The following RGPD1 variants were observed in gnomAD, a reference collection of about 807,000 sequenced individuals.
RGPD1 encodes the protein RANBP2-like and GRIP domain-containing protein 1.
RGPD1 carries 7 observed loss-of-function variants against 40.6 expected under a neutral mutation model. The observed-to-expected ratio is 0.17, with a 90% CI of 0.10 to 0.32. RGPD1 has a LOEUF of 0.32. RGPD1 is among the 10% of genes least tolerant of loss of function. The pLI is 1.00. For missense variants in RGPD1, 50 were observed against 472.5 expected, an observed-to-expected ratio of 0.11 and a Z score of 8.29; for synonymous variants, 24 against 167.0, an observed-to-expected ratio of 0.14 and a Z score of 6.60.
At chr2:86,944,872 G>A (rs142148666) in intron 1 of RGPD1, among the ~76,000 whole-genome samples, 175 of 151,744 alleles carry the variant, frequency 1.2e-3, no homozygotes, top group African/African-American at 4.0e-3. Context: ...ACAGGCATGC[G>A]CCACCATGCC....
upstream of RGPD1, among the ~76,000 whole-genome samples, chr2:86,941,253 A>C (rs1015773134): frequency 2.0e-4 from 30 of 150,018 alleles, no homozygotes; most frequent in Non-Finnish European, 3.9e-4. Flanking sequence ...TTAATATCCA[A>C]ATTCCCAAAA....
chr2:86,955,882 GT>G (rs1237454318), intron 4 of RGPD1, among the ~76,000 whole-genome samples: 1 of 148,140 alleles, frequency 6.8e-6, no homozygotes, highest in East Asian at 2.0e-4. Context: ...AGTTAATCTG[GT>G]GTCAGTAGTG....
At chr2:86,939,571 T>TC (rs1271364668), upstream of RGPD1, among the ~76,000 whole-genome samples, 12 of 123,348 alleles carry the variant, frequency 9.7e-5, no homozygotes, top group East Asian at 4.4e-4. Flanking sequence ...AGAGTGAAAC[T>TC]CCGTCTCAAA....
intron 1 of RGPD1, among the ~76,000 whole-genome samples, chr2:86,925,118 T>C (rs1006501076): frequency 6.6e-5 from 10 of 152,336 alleles, no homozygotes; most frequent in Non-Finnish European, 1.5e-4. Flanking sequence ...ACTTGTAAAT[T>C]AGATTTTAAA....
chr2:86,944,176 G>C (rs1426656421), intron 1 of RGPD1, among the ~76,000 whole-genome samples: 1 of 152,122 alleles, frequency 6.6e-6, no homozygotes, highest in Non-Finnish European at 1.5e-5. Flanking sequence ...ACTTGTTCAG[G>C]GTGAAATAGG....
chr2:86,978,095 C>G (rs948396315), intron 17 of RGPD1, among the ~76,000 whole-genome samples, 164 bp downstream of exon 17: 1 of 119,012 alleles, frequency 8.4e-6, no homozygotes, highest in Non-Finnish European at 1.7e-5. Context: ...AAGGCAGGGT[C>G]TTGTTGTGCA....
At chr2:87,009,072 G>T (rs573683474) in intron 22 of RGPD1, among the ~76,000 whole-genome samples, 6 of 146,852 alleles carry the variant, frequency 4.1e-5, no homozygotes, top group African/African-American at 1.5e-4. Flanking sequence ...TTGGGAGGCC[G>T]AGGCGGGCAG....
intron 1 of RGPD1, among the ~76,000 whole-genome samples, chr2:86,932,041 T>C (rs1436733236): frequency 6.8e-6 from 1 of 147,960 alleles, no homozygotes; most frequent in Non-Finnish European, 1.5e-5. Context: ...ATATTCATTT[T>C]ATAGTTTAGG....
upstream of RGPD1, chr2:86,913,689 C>G (rs907280926): frequency 9.2e-5 from 122 of 1,319,696 alleles, 2 homozygotes; most frequent in Non-Finnish European, 1.1e-4. Context: ...GGAGCGCCGA[C>G]GTCGCCAAGG....
intron 1 of RGPD1, among the ~76,000 whole-genome samples, chr2:86,915,416 T>G (rs1677749731): frequency 7.0e-6 from 1 of 142,562 alleles, no homozygotes; most frequent in East Asian, 2.1e-4. Flanking sequence ...TAAAAGGTAT[T>G]TCGTAATCAC....
chr2:86,914,406 C>G (rs1245199608), intron 1 of RGPD1, among the ~76,000 whole-genome samples: 1 of 14,424 alleles, frequency 6.9e-5, no homozygotes, highest in Non-Finnish European at 1.2e-4. Context: ...CGGCGGCGGC[C>G]TCGACCTGGC....
At chr2:86,960,267 C>G (rs939514694) in intron 6 of RGPD1, among the ~76,000 whole-genome samples, 1 of 72,610 alleles carries the variant, frequency 1.4e-5, no homozygotes, top group Admixed American at 1.2e-4. Context: ...TTTGTCAGAT[C>G]AGTTAATCAG....
intron 21 of RGPD1, among the ~76,000 whole-genome samples, chr2:86,997,325 A>T (rs1216205643): frequency 1.6e-4 from 7 of 43,424 alleles, no homozygotes; most frequent in African/African-American, 7.5e-4. Context: ...CAGCTTTGAA[A>T]CTATCTCATA....
At chr2:86,925,833 G>T (rs1353911795) in intron 1 of RGPD1, among the ~76,000 whole-genome samples, 1 of 152,072 alleles carries the variant, frequency 6.6e-6, no homozygotes, top group African/African-American at 2.4e-5. Flanking sequence ...GCCTCCCAGA[G>T]TGTTGGGATT....
chr2:86,929,675 C>T (rs1394282934), intron 1 of RGPD1, among the ~76,000 whole-genome samples: 1 of 119,532 alleles, frequency 8.4e-6, no homozygotes, highest in African/African-American at 3.0e-5. Context: ...TAACCTGACT[C>T]CAGAGCCCAC....
intron 1 of RGPD1, among the ~76,000 whole-genome samples, chr2:86,926,131 G>C (rs1573574173): frequency 6.6e-6 from 1 of 152,280 alleles, no homozygotes. Flanking sequence ...GGAAAGAGTT[G>C]GGGGAAATCA....
upstream of RGPD1, among the ~76,000 whole-genome samples, chr2:86,937,415 A>G (rs1257584574): frequency 1.3e-5 from 2 of 149,060 alleles, no homozygotes; most frequent in African/African-American, 2.5e-5. Flanking sequence ...TTCCCTCCAC[A>G]TTCATCAGGG....
chr2:86,927,077 G>T (rs1678564392), intron 1 of RGPD1, among the ~76,000 whole-genome samples: 1 of 152,014 alleles, frequency 6.6e-6, no homozygotes, highest in African/African-American at 2.4e-5. Flanking sequence ...AGTTGCACTA[G>T]ATCATTTTCA....
intron 1 of RGPD1, among the ~76,000 whole-genome samples, chr2:86,945,738 C>T (rs1343385593): frequency 2.0e-5 from 3 of 149,692 alleles, no homozygotes; most frequent in South Asian, 2.1e-4. Flanking sequence ...ATGAGCCGGG[C>T]GTGGTGGCAG....
Sources: gnomAD v4.1 joint callset for allele counts (sites outside exome capture counted in the v4.1 genomes callset) on GRCh38, gnomAD v4.1.1 for gene constraint, MANE v1.5 for transcripts, NCBI Gene and HGNC (gene_info 2026-07-23, HGNC 2026-07-21) for gene names.